KANSL1: variants seen among roughly 807,000 people sequenced by gnomAD.
KANSL1 encodes MLL1/MLL complex subunit KANSL1.
Under a neutral mutation model 103.6 loss-of-function variants are expected in KANSL1, and 22 were observed. The observed-to-expected ratio is 0.21, with a 90% CI of 0.15 to 0.30. The LOEUF is 0.30. KANSL1 is among the 10% of genes least tolerant of loss of function. The pLI is 1.00. For missense variants in KANSL1, 1,337 were observed against 1,399.8 expected (o/e 0.96, Z 0.72); for synonymous variants, 600 against 527.6 (o/e 1.14, Z -1.88).
At chr17:46,188,336 A>T (rs2532241) in intron 1 of KANSL1, among the ~76,000 whole-genome samples, 21,966 of 152,260 alleles carry the variant, frequency 0.14, 2,138 homozygotes, top group Non-Finnish European at 0.22. Flanking sequence ...GATGAGGGAA[A>T]CTTATCTTGT....
rs34101027 is a variant in KANSL1, at chr17:46,039,796, T to A, written c.2109A>T (p.Leu703Phe). 6.2e-7 allele frequency: 1 copy of A among 1,614,202 alleles called. No individual in the cohort carries two copies. Among genetic ancestry groups the A allele is most frequent in the African/African-American group, 1.3e-5 (1 of 75,046 alleles). The change falls in exon 8 of 15, where the codon TTA becomes TTT. Residue 703 changes from leucine to phenylalanine, a missense_variant. By Grantham distance (22) the Leu-to-Phe change is conservative (BLOSUM62 0). This residue lies in a region of KANSL1 where 780 missense variants were observed against 923.4 expected (regional missense o/e 0.84). Coordinates refer to ENST00000432791, the MANE Select transcript of KANSL1 (RefSeq NM_015443.4). ...GCATGGGTGCTCTGTGCTTAAGCGA[T>A]AACTTTTTGGGAGGTTTGATTTTGT... ...PFDKIKPPKK[L>F]SLKHRAPMPG...
At chr17:46,219,264 G>GAA (rs1491358108) in intron 1 of KANSL1, among the ~76,000 whole-genome samples, 3 of 120,432 alleles carry the variant, frequency 2.5e-5, no homozygotes, top group African/African-American at 4.2e-5. Flanking sequence ...AAAAAAAAAA[G>GAA]GAAGAAGAAT....
chr17:46,058,737 ACACACACTCTCTCTCT>A lies in KANSL1; in HGVS notation c.1848+7784_1848+7799del, dbSNP rs1194753548. Among the ~76,000 whole-genome samples the A allele has an allele frequency of 4.8e-3, 350 of 72,266 alleles. 2 individuals carry two copies. The highest frequency in any genetic ancestry group is 0.015 in the African/African-American group (316 of 21,494). The allele number at this position is 72,266 out of a possible 152,430, so 47.4% of individuals were successfully genotyped here. ...CACACACACACACACACACACACAC[ACACACACTCTCTCTCT>A]CTCTCTCTCTCTCTCTCTCTCTCTC... On this transcript the variant is annotated intron_variant, in intron 6 of 14. Coordinates refer to ENST00000432791, the MANE Select transcript of KANSL1 (RefSeq NM_015443.4).
intron 2 of KANSL1, among the ~76,000 whole-genome samples, chr17:46,133,721 G>A (rs1047664367): frequency 7.2e-5 from 11 of 152,160 alleles, no homozygotes; most frequent in African/African-American, 2.7e-4. Flanking sequence ...AACCTTTCAG[G>A]TAACTGAAAG....
At chr17:46,133,672 A>G (rs1207229787) in intron 2 of KANSL1, among the ~76,000 whole-genome samples, 1 of 152,246 alleles carries the variant, frequency 6.6e-6, no homozygotes, top group East Asian at 1.9e-4. Context: ...CTTTATTACA[A>G]AATAGTTGTT....
intron 2 of KANSL1, among the ~76,000 whole-genome samples, chr17:46,115,208 T>C (rs1448608736): frequency 6.6e-6 from 1 of 151,678 alleles, no homozygotes; most frequent in African/African-American, 2.4e-5. Flanking sequence ...TACACGCGCC[T>C]GCCACCACAC....
chr17:46,208,098 A>G (rs1186422351), intron 1 of KANSL1, among the ~76,000 whole-genome samples: 1 of 152,082 alleles, frequency 6.6e-6, no homozygotes, highest in African/African-American at 2.4e-5. Flanking sequence ...GTGAAAGGCA[A>G]AAATCCGTCT....
intron 6 of KANSL1, among the ~76,000 whole-genome samples, chr17:46,055,215 G>A (rs1045317615): frequency 6.6e-6 from 1 of 151,738 alleles, no homozygotes; most frequent in Non-Finnish European, 1.5e-5. Context: ...TGTATTCCCA[G>A]CACTTTGGGA....
intron 1 of KANSL1, among the ~76,000 whole-genome samples, chr17:46,201,731 A>G (rs966511264): frequency 2.6e-5 from 4 of 151,286 alleles, no homozygotes; most frequent in African/African-American, 4.9e-5. Flanking sequence ...AATTAAGTCC[A>G]GGTACAGTGG....
At chr17:46,069,162 C>G (rs1353784461) in intron 4 of KANSL1, among the ~76,000 whole-genome samples, 2 of 152,124 alleles carry the variant, frequency 1.3e-5, no homozygotes, top group African/African-American at 2.4e-5. Flanking sequence ...CTGACCTCAA[C>G]TGATCTGCCC....
chr17:46,209,606 A>C (rs1881192), intron 1 of KANSL1, among the ~76,000 whole-genome samples: 18,684 of 150,142 alleles, frequency 0.12, 22 homozygotes, highest in Middle Eastern at 0.19. Context: ...CCATTCTCCC[A>C]CCTCAGCCTC....
intron 2 of KANSL1, among the ~76,000 whole-genome samples, chr17:46,142,090 A>G (rs553830715): frequency 2.0e-5 from 3 of 152,322 alleles, no homozygotes; most frequent in East Asian, 1.9e-4. Flanking sequence ...AGGTTTCACT[A>G]TATTGGTAAA....
Position 46,070,064 on chromosome 17 carries a change from A to G in KANSL1, c.1534-2397T>C, listed in dbSNP as rs545063855. The stretch of plus-strand genomic sequence containing the variant: ...AACACGGTATTAAGCAGCAAGAGCT[A>G]TAAGGATATTCCTATCTTCTGACAA... On this transcript the variant is annotated intron_variant, in intron 4 of 14. Coordinates refer to ENST00000432791, the MANE Select transcript of KANSL1 (RefSeq NM_015443.4). Among the ~76,000 whole-genome samples, 44 of 152,350 alleles carry G rather than the reference A, an allele frequency of 2.9e-4. No homozygotes were observed. The South Asian group carries it at 8.9e-3, about 31-fold the overall frequency.
chr17:46,114,113 C>T (rs879450569), intron 2 of KANSL1, among the ~76,000 whole-genome samples: 13 of 152,188 alleles, frequency 8.5e-5, no homozygotes, highest in Non-Finnish European at 1.6e-4. Context: ...GTAATCCCAG[C>T]ACAATGGGAG....
At chr17:46,160,430 G>A (rs1220570102) in intron 2 of KANSL1, among the ~76,000 whole-genome samples, 1 of 152,140 alleles carries the variant, frequency 6.6e-6, no homozygotes, top group African/African-American at 2.4e-5. Context: ...TCCCGTGTAA[G>A]CTGGGACTAT....
At chr17:46,143,803 CAAAAAAAAAAAAAAAA>C (rs57361021) in intron 2 of KANSL1, among the ~76,000 whole-genome samples, 30 of 85,532 alleles carry the variant, frequency 3.5e-4, no homozygotes, top group African/African-American at 1.7e-3. Context: ...GACTCCATCT[CAAAAAAAAAAAAAAAA>C]AAAAAAAAAG....
chr17:46,149,936 G>A (rs1172441413), intron 2 of KANSL1, among the ~76,000 whole-genome samples: 2 of 151,690 alleles, frequency 1.3e-5, no homozygotes, highest in Admixed American at 6.6e-5. Flanking sequence ...GCAGGAGAAT[G>A]GTGTGAACCC....
chr17:46,032,222 G>A lies in KANSL1; in HGVS notation c.2915C>T (p.Pro972Leu). The part of the protein sequence containing the change: ...ANPSTPQPAS[P>L]DVSSSHSLSE... ...CAAAGAGTGGCTACTGCTGACATCA[G>A]GGGAGGCAGGCTGGGGGGTGGAGGG... Residue 972 changes from proline (P) to leucine (L), a missense_variant, in exon 14 of 15, where the codon CCT becomes CTT. By Grantham distance (98) the Pro-to-Leu change is moderately conservative. Around this residue, in one of 2 missense-constraint regions of KANSL1, gnomAD observed 780 missense variants for 923.4 expected, o/e 0.84. Coordinates refer to ENST00000432791, the MANE Select transcript of KANSL1 (RefSeq NM_015443.4). The A allele has an allele frequency of 6.3e-7, 1 of 1,589,036 alleles. No individual in the cohort carries two copies. The highest frequency in any genetic ancestry group is 8.6e-7 in the Non-Finnish European group (1 of 1,164,854).
chr17:46,150,927 CAAAAAA>C (rs67160662), intron 2 of KANSL1, among the ~76,000 whole-genome samples: 4 of 134,504 alleles, frequency 3.0e-5, no homozygotes, highest in African/African-American at 5.5e-5. Context: ...CCTATTCTGT[CAAAAAA>C]AAAAAAAAAA....
Sources: gnomAD v4.1 joint callset for allele counts (sites outside exome capture counted in the v4.1 genomes callset) on GRCh38, gnomAD v4.1.1 for gene constraint, gnomAD v4.1.1 regional missense constraint, MANE v1.5 for transcripts, NCBI Gene and HGNC (gene_info 2026-07-23, HGNC 2026-07-21) for gene names.